ALG13: variants seen among roughly 807,000 people sequenced by gnomAD.
ALG13 encodes the protein UDP-N-acetylglucosamine transferase subunit ALG13.
A neutral mutation model predicts 87.8 loss-of-function variants in ALG13; 11 were observed. That is an observed-to-expected ratio of 0.13 (90% CI 0.08 to 0.21). The LOEUF (loss-of-function observed/expected upper bound fraction) is 0.21, where lower values mean the gene tolerates loss of function less well. Among genes scored for constraint, ALG13 ranks in the 10% least tolerant of loss-of-function variants. The pLI is 1.00. For missense variants in ALG13, 756 were observed against 866.1 expected (o/e 0.87, Z 1.60); for synonymous variants, 320 against 306.3 (o/e 1.04, Z -0.47).
At chrX:111,701,823 A>G (rs1281257045) in intron 3 of ALG13, among the ~76,000 whole-genome samples, 1 of 110,789 alleles carries the variant, frequency 9.0e-6, no homozygotes, top group Non-Finnish European at 1.9e-5. Context: ...TCCCTCTTAG[A>G]ACTGTTTTTG....
rs761199725 is a variant in ALG13 at position 111,718,244 on chromosome X, A to G, written c.1220A>G (p.His407Arg). 1.7e-6 allele frequency: 2 copies of G among 1,193,853 alleles called. No homozygotes were observed. Among genetic ancestry groups the G allele is most frequent in the African/African-American group, 1.8e-5 (1 of 56,809 alleles). Residue 407 changes from histidine to arginine, a missense_variant, in exon 10 of 27, where the codon CAT becomes CGT. Coordinates refer to ENST00000394780, the MANE Select transcript of ALG13 (RefSeq NM_001099922.3). ...NNAVTGSEDA[H>R]TDYKSSNQNR... is the part of the protein sequence containing the mutation. ...GCTGTAACTGGAAGCGAGGATGCCC[A>G]TACTGATTACAAGAGTTCAAATCAG...
At chrX:111,720,863 T>A (rs533854872) in intron 11 of ALG13, among the ~76,000 whole-genome samples, 2 of 110,732 alleles carry the variant, frequency 1.8e-5, no homozygotes, top group South Asian at 7.7e-4. Context: ...TCTGAATTTT[T>A]AATCCTGGTT....
chrX:111,757,388 A>G, intron 25 of ALG13, 200 bp from the exon 26 acceptor site: 1 of 331,705 alleles, frequency 3.0e-6, no homozygotes, highest in East Asian at 4.6e-5. Context: ...AATATGAGAT[A>G]CAAATGCTGC....
chrX:111,702,856 A>G (rs926272586), intron 3 of ALG13, among the ~76,000 whole-genome samples: 3 of 110,797 alleles, frequency 2.7e-5, no homozygotes, highest in African/African-American at 9.8e-5. Flanking sequence ...TTTTTTTCTA[A>G]AAACACCTTG....
chrX:111,740,841 A>C (rs762095566), intron 23 of ALG13, among the ~76,000 whole-genome samples: 1 of 112,358 alleles, frequency 8.9e-6, no homozygotes, highest in Non-Finnish European at 1.9e-5. Context: ...AAATCAATTA[A>C]TTTTCTTGAA....
chrX:111,681,874 C>A (rs954169545), intron 1 of ALG13: 63 of 908,414 alleles, frequency 6.9e-5, no homozygotes, highest in Non-Finnish European at 8.4e-5. Flanking sequence ...TTTGCGACTC[C>A]TTTTCCAAAG....
chrX:111,684,404 C>T (rs1934381641), intron 2 of ALG13, among the ~76,000 whole-genome samples: 1 of 111,018 alleles, frequency 9.0e-6, no homozygotes, highest in African/African-American at 3.3e-5. Flanking sequence ...TCACTTCAAG[C>T]TCCAACTCTT....
chrX:111,695,795 C>A (rs1013418832), intron 3 of ALG13, among the ~76,000 whole-genome samples: 16 of 111,460 alleles, frequency 1.4e-4, no homozygotes, highest in Non-Finnish European at 2.6e-4. Flanking sequence ...CCAGGCCATG[C>A]TTTGTTTTAG....
chrX:111,719,559 A>G (rs1228963880), intron 10 of ALG13, among the ~76,000 whole-genome samples: 1 of 112,479 alleles, frequency 8.9e-6, no homozygotes, highest in Non-Finnish European at 1.9e-5. Context: ...AGGAATCTGG[A>G]CACGGCTTAG....
chrX:111,719,186 C>T (rs1223938924), intron 10 of ALG13, among the ~76,000 whole-genome samples: 7 of 109,997 alleles, frequency 6.4e-5, no homozygotes, highest in Non-Finnish European at 1.3e-4. Context: ...GTCACCAAGC[C>T]CGGCTAATTT....
chrX:111,701,538 A>G (rs747791132), intron 3 of ALG13, among the ~76,000 whole-genome samples: 39 of 112,166 alleles, frequency 3.5e-4, no homozygotes, highest in African/African-American at 1.2e-3. Context: ...CTGTGATAAC[A>G]GTTGTAATGT....
chrX:111,693,345 C>T (rs757032450), intron 3 of ALG13, among the ~76,000 whole-genome samples: 7 of 107,891 alleles, frequency 6.5e-5, no homozygotes, highest in African/African-American at 2.4e-4. Context: ...ACCTCCGCTT[C>T]CCAGGTTCAA....
At chrX:111,687,709 C>G (rs1350157478) in intron 3 of ALG13, among the ~76,000 whole-genome samples, 2 of 111,749 alleles carry the variant, frequency 1.8e-5, no homozygotes, top group African/African-American at 3.2e-5. Context: ...TTATAGTACT[C>G]TTTGTATTGC....
chrX:111,681,676 C>T (rs1390742031), intron 1 of ALG13: 10 of 866,095 alleles, frequency 1.2e-5, no homozygotes, highest in Admixed American at 1.3e-4. Context: ...TCAGGCCCCC[C>T]TGTGGACCGC....
In ALG13 at chrX:111,760,097, G is replaced by C. The variant is rs1313591294; in HGVS notation, c.*98G>C. The C allele has an allele frequency of 1.2e-6, 1 of 857,229 alleles. No individual in the cohort carries two copies. Among genetic ancestry groups the C allele is most frequent in the Non-Finnish European group, 1.6e-6 (1 of 624,720 alleles). The allele number at this position is 857,229 out of a possible 1,213,427, so 70.6% of individuals were successfully genotyped here. A position where few individuals can be genotyped will look rare whatever the true frequency, so the allele number is the denominator to read the frequency against. ...AGTGGTTAAATGATTTAGGTGATTA[G>C]TGTTTACTATTGTATTTGTCTTTAA... On this transcript the variant is annotated 3_prime_UTR_variant, in exon 27 of 27. Coordinates refer to ENST00000394780, the MANE Select transcript of ALG13 (RefSeq NM_001099922.3).
intron 10 of ALG13, among the ~76,000 whole-genome samples, chrX:111,719,178 C>T (rs1250791205): frequency 1.8e-5 from 2 of 110,281 alleles, no homozygotes; most frequent in East Asian, 2.9e-4. Flanking sequence ...AGGCGTGTGT[C>T]ACCAAGCCCG....
At chrX:111,700,751 ATTTTTTTTT>A (rs772630509) in intron 3 of ALG13, among the ~76,000 whole-genome samples, 1 of 50,725 alleles carries the variant, frequency 2.0e-5, no homozygotes, top group Admixed American at 2.2e-4. Context: ...TAATTTTTGT[ATTTTTTTTT>A]TTTTTTTTTT....
At position 111,702,297 on chromosome X, in the gene ALG13, T is replaced by C. The variant is rs187832829; in HGVS notation, c.384-5730T>C. ...GATCCCAAAGAGGAGACTTTTTCTT[T>C]TTTCTCTTCCCCATTTTCCTTCCTA... On this transcript the variant is annotated intron_variant, in intron 3 of 26. Transcript: ENST00000394780. Among the ~76,000 whole-genome samples the C allele has an allele frequency of 1.6e-4, 18 of 111,849 alleles. No individual in the cohort carries two copies. The East Asian group carries it at 5.1e-3, about 31-fold the overall frequency.
intron 3 of ALG13, among the ~76,000 whole-genome samples, chrX:111,704,509 A>G (rs1025524399): frequency 8.9e-6 from 1 of 112,243 alleles, no homozygotes; most frequent in African/African-American, 3.2e-5. Context: ...GGATTGAACT[A>G]TGTAGTGATG....
Sources: gnomAD v4.1 joint callset for allele counts (sites outside exome capture counted in the v4.1 genomes callset) on GRCh38, gnomAD v4.1.1 for gene constraint, MANE v1.5 for transcripts, NCBI Gene and HGNC (gene_info 2026-07-23, HGNC 2026-07-21) for gene names.